Variants in TSPEAR observed in about 807,000 individuals in gnomAD.
TSPEAR encodes the protein thrombospondin type laminin G domain and EAR repeats.
In TSPEAR, 69 loss-of-function variants were observed where a neutral mutation model predicts 71.6. The observed-to-expected ratio is 0.96, with a 90% CI of 0.79 to 1.18. TSPEAR has a LOEUF of 1.18. Among genes scored for constraint, TSPEAR ranks in the 50% most tolerant of loss-of-function variants. TSPEAR has a pLI of 0.00. For missense variants in TSPEAR, 971 were observed against 894.9 expected (o/e 1.09, Z -1.09); for synonymous variants, 402 against 387.2 (o/e 1.04, Z -0.45).
At chr21:44,630,697 G>A (rs1271119297) in intron 1 of TSPEAR, among the ~76,000 whole-genome samples, 1 of 147,532 alleles carries the variant, frequency 6.8e-6, no homozygotes, top group African/African-American at 2.5e-5. Flanking sequence ...GGGAAGTGAA[G>A]GGGAAGGCAG....
intron 1 of TSPEAR, chr21:44,574,570 G>C: frequency 6.2e-7 from 1 of 1,604,926 alleles, no homozygotes; most frequent in Non-Finnish European, 8.5e-7. Flanking sequence ...CAGGCTTGCT[G>C]TGTGCCTGTC....
At chr21:44,549,973 G>T (rs782798431) in intron 2 of TSPEAR, among the ~76,000 whole-genome samples, 1 of 152,222 alleles carries the variant, frequency 6.6e-6, no homozygotes, top group Non-Finnish European at 1.5e-5. Flanking sequence ...CTCCCTGAGC[G>T]CAGGGACAGC....
At chr21:44,608,144 G>A (rs1311133326) in intron 1 of TSPEAR, among the ~76,000 whole-genome samples, 1 of 152,176 alleles carries the variant, frequency 6.6e-6, no homozygotes, top group East Asian at 1.9e-4. Context: ...GGTTACATGG[G>A]TGTATATTTT....
rs114721173 is a variant in TSPEAR at position 44,616,488 on chromosome 21, G to C, written c.83-48483C>G. Among the ~76,000 whole-genome samples, 441 of 151,722 alleles carry C rather than the reference G, an allele frequency of 2.9e-3. 1 individual carries two copies. Among genetic ancestry groups the C allele is most frequent in the African/African-American group, 0.01 (412 of 41,092 alleles). On this transcript the variant is annotated intron_variant, in intron 1 of 11. Coordinates refer to ENST00000323084, the MANE Select transcript of TSPEAR (RefSeq NM_144991.3). Reference sequence around the variant, plus strand: ...CACAGCCTGTCAGCCCCCGACCCTGGTTCCCCAGTCCCTCACCATGCTGCC... The same window carrying C: ...CACAGCCTGTCAGCCCCCGACCCTGCTTCCCCAGTCCCTCACCATGCTGCC...
intron 1 of TSPEAR, chr21:44,574,685 C>T (rs1555923526): frequency 6.2e-7 from 1 of 1,606,682 alleles, no homozygotes; most frequent in Admixed American, 1.7e-5. Context: ...CTTGCTGCAC[C>T]TCCTCCCAAA....
At chr21:44,655,073 G>A (rs1985061583) in intron 1 of TSPEAR, among the ~76,000 whole-genome samples, 1 of 152,188 alleles carries the variant, frequency 6.6e-6, no homozygotes, top group Non-Finnish European at 1.5e-5. Context: ...TCTATATTGT[G>A]GAATAATAAT....
Position 44,687,518 on chromosome 21 carries a change from A to G in TSPEAR, c.82+23915T>C, listed in dbSNP as rs1986915777. ...TCGCAGAAACACCGCGCGGGGTGGG[A>G]GAGGCCGGCACCAGAGGACTTGCTG... On this transcript the variant is annotated intron_variant, in intron 1 of 11. Coordinates refer to ENST00000323084, the MANE Select transcript of TSPEAR (RefSeq NM_144991.3). The surrounding 1 kb of genome is among the most constrained non-coding windows in gnomAD (Gnocchi z 4.4). Among the ~76,000 whole-genome samples, 1 of 152,208 alleles carries G rather than the reference A, an allele frequency of 6.6e-6. No homozygotes were observed. The highest frequency in any genetic ancestry group is 2.4e-5 in the African/African-American group (1 of 41,442).
Position 44,627,562 on chromosome 21 carries a change from T to G in TSPEAR, c.83-59557A>C, listed in dbSNP as rs1281769295. The G allele has an allele frequency of 1.2e-5, 20 of 1,613,318 alleles. No homozygotes were observed. Among genetic ancestry groups the G allele is most frequent in the Non-Finnish European group, 1.7e-5 (20 of 1,179,854 alleles). On this transcript the variant is annotated intron_variant, in intron 1 of 11. Coordinates refer to ENST00000323084, the MANE Select transcript of TSPEAR (RefSeq NM_144991.3). ...ACAGTCTAGCTACCAGCCAGCTTGCTGTGCCTCTTCCTCCTGCCAGCCGGC... is the reference window on the plus strand; with the variant it reads ...ACAGTCTAGCTACCAGCCAGCTTGCGGTGCCTCTTCCTCCTGCCAGCCGGC...
chr21:44,618,011 G>A (rs184522925), intron 1 of TSPEAR, among the ~76,000 whole-genome samples: 195 of 152,306 alleles, frequency 1.3e-3, no homozygotes, highest in African/African-American at 4.4e-3. Flanking sequence ...CAGAGGAAAT[G>A]GTGGAGCGGG....
At chr21:44,505,625 T>A (rs1417329780) in intron 10 of TSPEAR, among the ~76,000 whole-genome samples, 1 of 126,820 alleles carries the variant, frequency 7.9e-6, no homozygotes. Context: ...TCTCTATGAA[T>A]TTGACCACTC....
chr21:44,519,668 A>G (rs1350529415), intron 9 of TSPEAR: 1 of 152,310 alleles, frequency 6.6e-6, no homozygotes, highest in Non-Finnish European at 1.5e-5. Flanking sequence ...AGGGACCAGT[A>G]AGACAAGGAA....
chr21:44,580,520 TC>T (rs1978888841), intron 1 of TSPEAR: 1 of 1,613,522 alleles, frequency 6.2e-7, no homozygotes, highest in African/African-American at 1.3e-5. Context: ...TGGGCAGTCG[TC>T]CACTCGCCAG....
rs587743721 is a variant in TSPEAR, at chr21:44,575,966, A to C, written c.83-7961T>G. Among the ~76,000 whole-genome samples the C allele has an allele frequency of 2.0e-5, 3 of 152,324 alleles. No individual in the cohort carries two copies. In the South Asian group the frequency reaches 6.2e-4, roughly 32 times the overall value. On this transcript the variant is annotated intron_variant, in intron 1 of 11. Transcript: ENST00000323084. ...GACAGACAGAGCACGTGTGACCACCATGAGCCCAGGGCCAGCGGACTGCCC... is the reference window on the plus strand; with the variant it reads ...GACAGACAGAGCACGTGTGACCACCCTGAGCCCAGGGCCAGCGGACTGCCC...
At chr21:44,658,462 T>A in intron 1 of TSPEAR, 1 of 610,282 alleles carries the variant, frequency 1.6e-6, no homozygotes, top group Non-Finnish European at 2.9e-6. Context: ...AAGTCTTGGC[T>A]GCCAGAGTCC....
chr21:44,573,873 C>A, intron 1 of TSPEAR: 4 of 1,613,462 alleles, frequency 2.5e-6, no homozygotes, highest in South Asian at 1.1e-5. Context: ...CTGCTGCGAG[C>A]CCCCCTGCTG....
chr21:44,590,472 G>C (rs1367710146), intron 1 of TSPEAR, among the ~76,000 whole-genome samples: 1 of 152,174 alleles, frequency 6.6e-6, no homozygotes, highest in Non-Finnish European at 1.5e-5. Flanking sequence ...CGCAGGCTTG[G>C]TTAGTGGGTG....
chr21:44,538,191 C>T (rs2053124528), intron 2 of TSPEAR, among the ~76,000 whole-genome samples: 1 of 152,154 alleles, frequency 6.6e-6, no homozygotes, highest in Non-Finnish European at 1.5e-5. Flanking sequence ...GTTTGTCTCA[C>T]AGTCTGAGGA....
Position 44,600,738 on chromosome 21 carries a change from G to T in TSPEAR, c.83-32733C>A, listed in dbSNP as rs782699105. Reference sequence around the variant, plus strand: ...CCTGGCAGGTGGACGACTGCCCAGAGAGCTGCTGCGAGCCCCCCTGCTGCG... The same window carrying T: ...CCTGGCAGGTGGACGACTGCCCAGATAGCTGCTGCGAGCCCCCCTGCTGCG... On this transcript the variant is annotated intron_variant, in intron 1 of 11. Coordinates refer to ENST00000323084, the MANE Select transcript of TSPEAR (RefSeq NM_144991.3). The T allele has an allele frequency of 4.3e-6, 7 of 1,611,122 alleles. No homozygotes were observed. The highest frequency in any genetic ancestry group is 1.4e-5 in the African/African-American group (1 of 73,064).
intron 1 of TSPEAR, among the ~76,000 whole-genome samples, chr21:44,599,143 T>TCTCTCTCTCTCTCTCTCTCTCTCTCG (rs1980587091): frequency 7.5e-6 from 1 of 132,590 alleles, no homozygotes; most frequent in Non-Finnish European, 1.6e-5. Context: ...TTTCTCTCTC[T>TCTCTCTCTCTCTCTCTCTCTCTCTCG]CTCTCTCTCT....
Sources: allele counts gnomAD v4.1 joint callset (sites outside exome capture counted in the v4.1 genomes callset), GRCh38; gene constraint gnomAD v4.1.1; non-coding constraint Gnocchi (gnomAD v3.1); transcripts MANE v1.5; gene names NCBI Gene and HGNC (gene_info 2026-07-23, HGNC 2026-07-21).